Variants in SEMA3D observed in about 807,000 individuals in gnomAD.
SEMA3D encodes semaphorin-3D.
SEMA3D carries 84 observed loss-of-function variants against 100.1 expected under a neutral mutation model. That is an observed-to-expected ratio of 0.84 (90% CI 0.70 to 1.01). The LOEUF (loss-of-function observed/expected upper bound fraction) is 1.01, where lower values mean the gene tolerates loss of function less well. SEMA3D is among the 50% of genes least tolerant of loss of function. The probability of loss-of-function intolerance (pLI) is 0.00; values close to 1 mark genes in which losing one functional copy is unlikely to be tolerated. For missense variants in SEMA3D, 875 were observed against 934.1 expected (o/e 0.94, Z 0.82); for synonymous variants, 312 against 320.7 (o/e 0.97, Z 0.29).
chr7:85,148,586 C>G lies in SEMA3D; in HGVS notation c.-41+5022G>C, dbSNP rs73379836. Among the ~76,000 whole-genome samples, 1,310 of 152,200 alleles carry G rather than the reference C, an allele frequency of 8.6e-3. 9 individuals carry two copies. The highest frequency in any genetic ancestry group is 0.045 in the Middle Eastern group (13 of 292). ...AATGAGATAAAACGAAAAATTAGTT[C>G]AAACCTCCTTCCTTGGAGCACCCCC... is the stretch of plus-strand genomic sequence containing the variant. On this transcript the variant is annotated intron_variant, in intron 2 of 18. Coordinates refer to ENST00000284136, the MANE Select transcript of SEMA3D (RefSeq NM_001384900.1).
intron 9 of SEMA3D, among the ~76,000 whole-genome samples, chr7:85,046,613 A>G (rs1791015086): frequency 1.3e-5 from 2 of 152,000 alleles, no homozygotes; most frequent in African/African-American, 4.8e-5. Context: ...ATGACTGGAT[A>G]GTAACTCTTA....
chr7:85,217,478 A>G, the SEMA3D span, among the ~76,000 whole-genome samples: 1 of 152,080 alleles, frequency 6.6e-6, no homozygotes, highest in East Asian at 1.9e-4. Context: ...AGCAACTAAG[A>G]TATGTATTCT....
intron 2 of SEMA3D, among the ~76,000 whole-genome samples, chr7:85,131,232 C>T (rs1426383655): frequency 2.6e-5 from 4 of 152,000 alleles, no homozygotes; most frequent in East Asian, 3.9e-4. Context: ...TACTATATAA[C>T]ATCCAAGAGT....
intron 2 of SEMA3D, among the ~76,000 whole-genome samples, chr7:85,126,940 A>C (rs2116420730): frequency 6.6e-6 from 1 of 152,244 alleles, no homozygotes; most frequent in Admixed American, 6.5e-5. Flanking sequence ...ATCCTTTCTA[A>C]GTTTCCTTCT....
intron 1 of SEMA3D, among the ~76,000 whole-genome samples, chr7:85,165,523 T>C (rs1490850396): frequency 6.6e-6 from 1 of 152,110 alleles, no homozygotes. Context: ...GATTCTGCCA[T>C]CACTTGTAGT....
At chr7:85,096,148 T>A (rs1788545007) in intron 4 of SEMA3D, among the ~76,000 whole-genome samples, 1 of 150,828 alleles carries the variant, frequency 6.6e-6, no homozygotes, top group Non-Finnish European at 1.5e-5. Flanking sequence ...TTAGCTAAGA[T>A]TTTTTTCCTT....
At chr7:85,043,455 GTTCT>G (rs1212804415) in intron 9 of SEMA3D, among the ~76,000 whole-genome samples, 1 of 152,094 alleles carries the variant, frequency 6.6e-6, no homozygotes, top group Admixed American at 6.6e-5. Flanking sequence ...CATTAAAAAT[GTTCT>G]TTAAGCATTT....
chr7:85,028,254 G>C, intron 12 of SEMA3D: 1 of 693,090 alleles, frequency 1.4e-6, no homozygotes, highest in East Asian at 2.5e-5. Context: ...CCAATGCTGT[G>C]GTCACAGTGC....
chr7:85,237,911 C>A, the SEMA3D span, among the ~76,000 whole-genome samples: 1 of 152,158 alleles, frequency 6.6e-6, no homozygotes, highest in Admixed American at 6.5e-5. Context: ...TCTGTTGTTC[C>A]ACATCCTCAC....
intron 8 of SEMA3D, among the ~76,000 whole-genome samples, chr7:85,063,431 G>C (rs1049659344): frequency 2.0e-5 from 3 of 152,142 alleles, no homozygotes; most frequent in Admixed American, 6.5e-5. Context: ...TCAGTCAATT[G>C]AGACTTCCTC....
At chr7:85,236,900 C>A in the SEMA3D span, among the ~76,000 whole-genome samples, 1 of 152,096 alleles carries the variant, frequency 6.6e-6, no homozygotes, top group African/African-American at 2.4e-5. Flanking sequence ...AAGGAGGAGG[C>A]AGTGTTAATA....
At chr7:85,142,569 C>G (rs1790085623) in intron 2 of SEMA3D, 1 of 983,760 alleles carries the variant, frequency 1.0e-6, no homozygotes, top group Non-Finnish European at 1.2e-6. Context: ...ATCTCAAGAG[C>G]AGAACGTAGA....
chr7:85,215,123 T>C, the SEMA3D span, among the ~76,000 whole-genome samples: 2 of 151,460 alleles, frequency 1.3e-5, no homozygotes, highest in Admixed American at 6.6e-5. Flanking sequence ...CTTTCTTTTT[T>C]TTTTTTTTTC....
In SEMA3D at chr7:84,999,676, C is replaced by T. The variant is rs1789601737; in HGVS notation, c.2098G>A (p.Gly700Arg). 6.2e-7 allele frequency: 1 copy of T among 1,613,888 alleles called. No individual in the cohort carries two copies. The highest frequency in any genetic ancestry group is 1.1e-5 in the South Asian group (1 of 91,080). Residue 700 changes from glycine (G) to arginine (R), a missense_variant, in exon 19 of 19, where the codon GGG (glycine) becomes AGG (arginine). Physicochemically the swap from Gly to Arg is moderately radical, Grantham distance 125 (BLOSUM62 -2). Transcript: ENST00000284136. ...ENTQRAEHEE[G>R]KVKDLLAESR... is the part of the protein sequence containing the mutation. Reference sequence around the variant, plus strand: ...TCAGCCAATAGATCCTTGACCTTCCCCTCCTCATGCTCTGCCCTCTGGGTA... The same window carrying T: ...TCAGCCAATAGATCCTTGACCTTCCTCTCCTCATGCTCTGCCCTCTGGGTA...
chr7:85,162,961 A>G (rs1201689609), intron 1 of SEMA3D: 2 of 559,612 alleles, frequency 3.6e-6, no homozygotes, highest in African/African-American at 4.1e-5. Flanking sequence ...ACTGAATGTC[A>G]TAAGGCAGAG....
At chr7:85,055,907 GTCA>G in intron 8 of SEMA3D, 48 bp from the exon 9 acceptor site, 1 of 1,055,322 alleles carries the variant, frequency 9.5e-7, no homozygotes, top group Non-Finnish European at 1.4e-6. Flanking sequence ...AAACAATCCA[GTCA>G]TCATAGTTTG....
the SEMA3D span, among the ~76,000 whole-genome samples, chr7:85,229,707 T>C: frequency 6.6e-6 from 1 of 152,122 alleles, no homozygotes; most frequent in Non-Finnish European, 1.5e-5. Flanking sequence ...CTTCTAATAA[T>C]AGAACTTTGC....
intron 9 of SEMA3D, chr7:85,050,764 A>G (rs918268316): frequency 4.6e-5 from 24 of 516,436 alleles, no homozygotes; most frequent in East Asian, 1.0e-4. Context: ...AAGATAAAGA[A>G]AAATAATAAT....
intron 2 of SEMA3D, among the ~76,000 whole-genome samples, chr7:85,149,624 T>A (rs1790310126): frequency 6.6e-6 from 1 of 152,166 alleles, no homozygotes; most frequent in Non-Finnish European, 1.5e-5. Flanking sequence ...CATAATGGAC[T>A]GAGAAAAATC....
Sources: allele counts gnomAD v4.1 joint callset (sites outside exome capture counted in the v4.1 genomes callset), GRCh38; gene constraint gnomAD v4.1.1; transcripts MANE v1.5; gene names NCBI Gene and HGNC (gene_info 2026-07-23, HGNC 2026-07-21).